RIMS2: variants seen among roughly 807,000 people sequenced by gnomAD.
RIMS2 encodes regulating synaptic membrane exocytosis 2.
A neutral mutation model predicts 174.4 loss-of-function variants in RIMS2; 59 were observed. The observed-to-expected ratio is 0.34, with a 90% CI of 0.27 to 0.42. The LOEUF is 0.42. RIMS2 is among the 10% of genes least tolerant of loss of function. RIMS2 has a pLI of 1.00. For synonymous variants in RIMS2, 606 were observed against 572.5 expected (o/e 1.06, Z -0.84); for missense variants, 1,620 against 1,666.3 (o/e 0.97, Z 0.48).
At chr8:103,845,401 G>A (rs563694876) in intron 3 of RIMS2, among the ~76,000 whole-genome samples, 31 of 151,952 alleles carry the variant, frequency 2.0e-4, no homozygotes, top group Non-Finnish European at 3.7e-4. Flanking sequence ...TAGTGAAAAC[G>A]ATTTTAAAAC....
intron 17 of RIMS2, among the ~76,000 whole-genome samples, chr8:103,992,184 C>G (rs1348929511): frequency 1.3e-5 from 2 of 151,906 alleles, no homozygotes; most frequent in Non-Finnish European, 2.9e-5. Flanking sequence ...TCTCAGCTCA[C>G]TGCAACCTCT....
At chr8:103,905,547 C>T (rs1213255452) in intron 4 of RIMS2, among the ~76,000 whole-genome samples, 2 of 151,590 alleles carry the variant, frequency 1.3e-5, no homozygotes, top group Non-Finnish European at 2.9e-5. Flanking sequence ...TATGGTGTAT[C>T]TTGTAACAGA....
intron 19 of RIMS2, among the ~76,000 whole-genome samples, chr8:104,157,559 C>T (rs1207614836): frequency 6.6e-6 from 1 of 152,174 alleles, no homozygotes; most frequent in African/African-American, 2.4e-5. Flanking sequence ...CTTCATTCTT[C>T]CCTCTTCCCA....
At chr8:103,903,330 T>A (rs868331062) in intron 4 of RIMS2, among the ~76,000 whole-genome samples, 19 of 152,280 alleles carry the variant, frequency 1.2e-4, no homozygotes, top group Non-Finnish European at 2.4e-4. Flanking sequence ...TATTACTTTA[T>A]AAACATGATG....
intron 1 of RIMS2, chr8:103,568,738 C>G: frequency 2.0e-6 from 2 of 992,816 alleles, no homozygotes; most frequent in Non-Finnish European, 3.2e-6. Flanking sequence ...TATAAAGCAG[C>G]TGTAGATTCT....
intron 19 of RIMS2, among the ~76,000 whole-genome samples, chr8:104,098,056 A>T (rs1333952864): frequency 6.6e-6 from 1 of 152,194 alleles, no homozygotes; most frequent in Non-Finnish European, 1.5e-5. Context: ...TATGATACAG[A>T]TCTTACTGCA....
intron 2 of RIMS2, among the ~76,000 whole-genome samples, chr8:103,725,597 C>CATAATATTCATATTATA (rs1465242932): frequency 3.9e-4 from 60 of 152,128 alleles, no homozygotes; most frequent in African/African-American, 1.4e-3. Context: ...ATGAATATGC[C>CATAATATTCATATTATA]ACAATTTGTT....
At chr8:103,832,499 T>C (rs1019391323) in intron 3 of RIMS2, among the ~76,000 whole-genome samples, 5 of 152,122 alleles carry the variant, frequency 3.3e-5, no homozygotes, top group African/African-American at 1.2e-4. Context: ...AGCCTAGTAC[T>C]CATTAGTTAT....
chr8:103,857,021 G>A (rs1229203279), intron 3 of RIMS2, among the ~76,000 whole-genome samples: 1 of 152,024 alleles, frequency 6.6e-6, no homozygotes, highest in East Asian at 1.9e-4. Flanking sequence ...AAATATTTAT[G>A]TATAGGTAGA....
chr8:103,652,825 C>T (rs1040768623), intron 1 of RIMS2, 115 bp downstream of exon 3: 20 of 529,120 alleles, frequency 3.8e-5, no homozygotes, highest in East Asian at 1.4e-4. Flanking sequence ...GAAAATTGTT[C>T]GGTTAGGGTT....
chr8:103,894,054 C>T (rs1456157144), intron 4 of RIMS2, among the ~76,000 whole-genome samples: 1 of 152,068 alleles, frequency 6.6e-6, no homozygotes, highest in Non-Finnish European at 1.5e-5. Flanking sequence ...GTATTATCAA[C>T]TCACAGGAAA....
chr8:104,185,183 G>A (rs541528401), intron 19 of RIMS2, among the ~76,000 whole-genome samples: 3 of 151,540 alleles, frequency 2.0e-5, no homozygotes, highest in Non-Finnish European at 4.4e-5. Flanking sequence ...TAAGCCCTGA[G>A]AATAAGGCAT....
At chr8:103,623,131 A>C (rs1477445625) in intron 1 of RIMS2, among the ~76,000 whole-genome samples, 1 of 152,144 alleles carries the variant, frequency 6.6e-6, no homozygotes, top group Non-Finnish European at 1.5e-5. Flanking sequence ...ATGATCTCCC[A>C]ATGTGATTTT....
chr8:103,514,803 C>T (rs977363352), intron 1 of RIMS2, among the ~76,000 whole-genome samples: 1 of 151,870 alleles, frequency 6.6e-6, no homozygotes, highest in Non-Finnish European at 1.5e-5. Flanking sequence ...AAGGCTGAGG[C>T]AGGATAATTG....
At chr8:104,156,856 A>G (rs1345673296) in intron 19 of RIMS2, among the ~76,000 whole-genome samples, 1 of 152,230 alleles carries the variant, frequency 6.6e-6, no homozygotes, top group Non-Finnish European at 1.5e-5. Context: ...AGGCATACAG[A>G]AAGTGACTTG....
Position 103,587,469 on chromosome 8 carries a change from A to AACG in RIMS2, c.176+86408_176+86409insCGA, listed in dbSNP as rs773740920. ...GAAAGAAAGAAAGAAAGAAAGAAAG[A>AACG]AACTATGCACCAATATTTCTGATGA... On this transcript the variant is annotated intron_variant, in intron 1 of 23. Coordinates refer to ENST00000504942, the Ensembl canonical transcript of RIMS2. Among the ~76,000 whole-genome samples the AACG allele has an allele frequency of 5.5e-3, 330 of 59,988 alleles. 4 individuals are homozygous for AACG. Among genetic ancestry groups the AACG allele is most frequent in the Middle Eastern group, 0.032 (4 of 124 alleles). 39.4% of individuals were successfully genotyped at this position (59,988 alleles called of 152,430 possible).
intron 19 of RIMS2, among the ~76,000 whole-genome samples, chr8:104,204,222 C>A (rs551149306): frequency 6.6e-6 from 1 of 152,124 alleles, no homozygotes; most frequent in Admixed American, 6.5e-5. Context: ...ACATTGTGAA[C>A]CTATCTATAT....
chr8:103,588,983 TG>T (rs144754145), intron 1 of RIMS2, among the ~76,000 whole-genome samples: 1,663 of 151,946 alleles, frequency 0.011, 45 homozygotes, highest in African/African-American at 0.038. Context: ...ACCCATGGAA[TG>T]GGAGAAAATA....
At chr8:103,817,618 TA>T (rs1292533749) in intron 3 of RIMS2, among the ~76,000 whole-genome samples, 1 of 151,972 alleles carries the variant, frequency 6.6e-6, no homozygotes, top group Non-Finnish European at 1.5e-5. Context: ...CTGTCTCCAC[TA>T]AAAATACAAA....
Sources: gnomAD v4.1 joint callset for allele counts (sites outside exome capture counted in the v4.1 genomes callset) on GRCh38, gnomAD v4.1.1 for gene constraint, MANE v1.5 for transcripts, NCBI Gene and HGNC (gene_info 2026-07-23, HGNC 2026-07-21) for gene names.